KDM4C: variants seen among roughly 807,000 people sequenced by gnomAD.
The protein encoded by KDM4C is lysine demethylase 4C, also known as lysine-specific demethylase 4C.
Under a neutral mutation model 129.3 loss-of-function variants are expected in KDM4C, and 81 were observed. The observed-to-expected ratio is 0.63, with a 90% CI of 0.52 to 0.75. KDM4C has a LOEUF of 0.75. KDM4C is among the 30% of genes least tolerant of loss of function. The pLI is 0.00. For synonymous variants in KDM4C, 573 were observed against 456.1 expected (o/e 1.26, Z -3.26); for missense variants, 1,457 against 1,304.0 (o/e 1.12, Z -1.81).
intron 7 of KDM4C, among the ~76,000 whole-genome samples, chr9:6,892,805 A>G (rs962901037): frequency 4.6e-5 from 7 of 152,248 alleles, no homozygotes; most frequent in African/African-American, 1.4e-4. Flanking sequence ...GAACAAATTT[A>G]CTTGAATAAC....
chr9:7,048,068 A>G (rs1829660699), intron 16 of KDM4C, among the ~76,000 whole-genome samples: 1 of 152,092 alleles, frequency 6.6e-6, no homozygotes, highest in South Asian at 2.1e-4. Flanking sequence ...ATGTTCTTCC[A>G]CAGTCCTGGT....
intron 15 of KDM4C, among the ~76,000 whole-genome samples, chr9:7,037,656 A>G (rs769229408): frequency 6.6e-6 from 1 of 152,124 alleles, no homozygotes; most frequent in Non-Finnish European, 1.5e-5. Flanking sequence ...AGCGAAAGGG[A>G]CCTCATCAGG....
At chr9:7,070,698 G>A (rs1564077846) in intron 17 of KDM4C, among the ~76,000 whole-genome samples, 2 of 152,040 alleles carry the variant, frequency 1.3e-5, no homozygotes, top group East Asian at 3.9e-4. Context: ...TCCACAGAAA[G>A]AACTTCCTCA....
intron 19 of KDM4C, among the ~76,000 whole-genome samples, chr9:7,153,820 C>G (rs1842923111): frequency 6.6e-6 from 1 of 151,968 alleles, no homozygotes; most frequent in Non-Finnish European, 1.5e-5. Context: ...TAGGCAAGAA[C>G]AAAAAGGAGG....
intron 8 of KDM4C, among the ~76,000 whole-genome samples, chr9:6,953,969 C>T (rs980115836): frequency 2.6e-5 from 4 of 152,176 alleles, no homozygotes; most frequent in African/African-American, 9.6e-5. Context: ...CTTGAATTTA[C>T]CTTTTCAGCC....
At chr9:6,879,666 G>C (rs1420327750) in intron 5 of KDM4C, among the ~76,000 whole-genome samples, 2 of 152,092 alleles carry the variant, frequency 1.3e-5, no homozygotes, top group East Asian at 1.9e-4. Flanking sequence ...AACAACCCTA[G>C]AGTGCTGGGG....
upstream of KDM4C, among the ~76,000 whole-genome samples, chr9:6,753,600 G>C (rs11787612): frequency 5.3e-5 from 8 of 151,834 alleles, no homozygotes; most frequent in African/African-American, 1.9e-4. Flanking sequence ...ATGAACAGAA[G>C]TTTATCGGCT....
chr9:7,114,070 A>G (rs1838630557), intron 18 of KDM4C, among the ~76,000 whole-genome samples: 1 of 152,232 alleles, frequency 6.6e-6, no homozygotes, highest in South Asian at 2.1e-4. Context: ...TTTATAGGTT[A>G]AAACTGGTTT....
intron 15 of KDM4C, among the ~76,000 whole-genome samples, chr9:7,043,321 T>A (rs559248841): frequency 3.3e-5 from 5 of 152,116 alleles, no homozygotes; most frequent in African/African-American, 1.2e-4. Context: ...ATTGAAAGAT[T>A]TGGAGGAAAA....
At chr9:7,082,857 C>CA (rs200607200) in intron 17 of KDM4C, among the ~76,000 whole-genome samples, 63 of 150,060 alleles carry the variant, frequency 4.2e-4, no homozygotes, top group Non-Finnish European at 6.4e-4. Context: ...AAGTTGTATG[C>CA]AAAAAAAAAT....
At chr9:6,983,990 G>A (rs1426398225) in intron 9 of KDM4C, among the ~76,000 whole-genome samples, 176 bp from the exon 10 acceptor site, 2 of 152,180 alleles carry the variant, frequency 1.3e-5, no homozygotes, top group East Asian at 3.8e-4. Context: ...AGAAAATTGT[G>A]TTTAAGATTT....
chr9:6,934,789 T>C, intron 8 of KDM4C, among the ~76,000 whole-genome samples: 1 of 152,106 alleles, frequency 6.6e-6, no homozygotes, highest in East Asian at 1.9e-4. Context: ...AGAACTTTAA[T>C]TGGATATGAA....
chr9:7,058,288 T>C (rs553966470), intron 17 of KDM4C, among the ~76,000 whole-genome samples: 3 of 152,176 alleles, frequency 2.0e-5, no homozygotes, highest in Admixed American at 1.3e-4. Context: ...TTTTCAGACA[T>C]CCTAAGGCAT....
At chr9:6,898,103 AG>A (rs1210937732) in intron 8 of KDM4C, among the ~76,000 whole-genome samples, 1 of 152,122 alleles carries the variant, frequency 6.6e-6, no homozygotes, top group Non-Finnish European at 1.5e-5. Context: ...GTTTGATGTT[AG>A]GTTTGATGGA....
chr9:6,951,338 T>C (rs748221105), intron 8 of KDM4C, among the ~76,000 whole-genome samples: 1 of 152,220 alleles, frequency 6.6e-6, no homozygotes, highest in Non-Finnish European at 1.5e-5. Flanking sequence ...TTTTGAGTTA[T>C]AAATTAAAAC....
At chr9:7,157,987 G>C (rs1843370090) in intron 19 of KDM4C, among the ~76,000 whole-genome samples, 1 of 152,156 alleles carries the variant, frequency 6.6e-6, no homozygotes, top group African/African-American at 2.4e-5. Context: ...TCTGGTCCTG[G>C]ACTTTTTTTG....
intron 4 of KDM4C, among the ~76,000 whole-genome samples, chr9:6,832,501 C>G (rs1159542698): frequency 7.0e-6 from 1 of 143,170 alleles, no homozygotes; most frequent in East Asian, 2.1e-4. Context: ...TCTCAGCTCA[C>G]TGCAAGCTCC....
Position 7,035,567 on chromosome 9 carries a change from A to G in KDM4C, c.2260-11295A>G, listed in dbSNP as rs145481083. 6.6e-4 allele frequency among the ~76,000 whole-genome samples: 100 copies of G among 151,952 alleles called. 1 individual carries two copies. The highest frequency in any genetic ancestry group is 1.8e-3 in the Admixed American group (27 of 15,250). Reference sequence around the variant, plus strand: ...ATTCATAAAATCATTTCCCAGACCAATGTCCTGAAGTGTTTCCCTTATGTT... The same window carrying G: ...ATTCATAAAATCATTTCCCAGACCAGTGTCCTGAAGTGTTTCCCTTATGTT... On this transcript the variant is annotated intron_variant, in intron 15 of 21. Transcript: ENST00000381309.
At chr9:6,722,277 G>T (rs1341881628) in intron 1 of KDM4C, among the ~76,000 whole-genome samples, 1 of 152,144 alleles carries the variant, frequency 6.6e-6, no homozygotes, top group Non-Finnish European at 1.5e-5. Flanking sequence ...GGAGGATTCA[G>T]TTTCCTCCCA....
Sources: allele counts gnomAD v4.1 joint callset (sites outside exome capture counted in the v4.1 genomes callset), GRCh38; gene constraint gnomAD v4.1.1; transcripts MANE v1.5; gene names NCBI Gene and HGNC (gene_info 2026-07-23, HGNC 2026-07-21).